PLCH1: variants seen among roughly 807,000 people sequenced by gnomAD.
PLCH1 encodes the protein phospholipase C eta 1, also known as 1-phosphatidylinositol 4,5-bisphosphate phosphodiesterase eta-1.
A neutral mutation model predicts 126.7 loss-of-function variants in PLCH1; 60 were observed. The observed-to-expected ratio is 0.47, with a 90% CI of 0.38 to 0.59. The LOEUF is 0.59. Ranked by LOEUF, PLCH1 falls within the 20% of genes least tolerant of loss-of-function variation. The pLI, the probability that PLCH1 is intolerant of heterozygous loss-of-function variation, is 0.00. For synonymous variants in PLCH1, 719 were observed against 734.9 expected (o/e 0.98, Z 0.35); for missense variants, 1,723 against 2,040.0 (o/e 0.84, Z 2.99).
chr3:155,730,551 G>A (rs1256953015), intron 1 of PLCH1, among the ~76,000 whole-genome samples: 1 of 152,212 alleles, frequency 6.6e-6, no homozygotes, highest in Non-Finnish European at 1.5e-5. Flanking sequence ...AAAGTGCTGA[G>A]ATTACAGGTG....
At chr3:155,643,838 A>C (rs1739693853) in intron 2 of PLCH1, among the ~76,000 whole-genome samples, 1 of 152,224 alleles carries the variant, frequency 6.6e-6, no homozygotes, top group African/African-American at 2.4e-5. Context: ...TTGGAGAATA[A>C]AGAATGAGTG....
At chr3:155,676,353 G>GTGGC in intron 2 of PLCH1, 3 of 1,064,088 alleles carry the variant, frequency 2.8e-6, no homozygotes, top group Non-Finnish European at 3.4e-6. Context: ...TGCAGGCGCT[G>GTGGC]TGGCTACTTT....
intron 10 of PLCH1, among the ~76,000 whole-genome samples, chr3:155,534,105 C>T (rs748090816): frequency 2.6e-5 from 4 of 152,148 alleles, no homozygotes; most frequent in African/African-American, 4.8e-5. Context: ...AGAGGGCCAC[C>T]GTCCTCCAGA....
chr3:155,733,741 A>G (rs1487038492), intron 1 of PLCH1, among the ~76,000 whole-genome samples: 1 of 151,906 alleles, frequency 6.6e-6, no homozygotes, highest in African/African-American at 2.4e-5. Flanking sequence ...AAAAAAGAGA[A>G]TGAATAAAGA....
rs766865292 is a variant in PLCH1 at position 155,481,874 on chromosome 3, G to T, written c.4152C>A (p.Tyr1384Ter). The T allele has an allele frequency of 6.2e-7, 1 of 1,614,108 alleles. No homozygotes were observed. ...SQLASPLKLK[Y>*]NQGVVEHFQR... is the part of the protein sequence containing the mutation. ...GAAAGTGTTCTACCACACCCTGATT[G>T]TACTTGAGTTTTAAAGGAGAAGCAA... is the stretch of plus-strand genomic sequence containing the variant. Residue 1384 changes from tyrosine to a stop codon, truncating the protein, a stop_gained, in exon 23 of 23, where the codon TAC becomes TAA. Coordinates refer to ENST00000460012, the MANE Select transcript of PLCH1 (RefSeq NM_014996.4). LOFTEE classifies it low-confidence loss of function (END_TRUNC). This position sits in a 1 kb window ranked among gnomAD's most constrained non-coding sequence, Gnocchi z 4.2.
At chr3:155,692,183 A>C (rs1225859360) in intron 2 of PLCH1, among the ~76,000 whole-genome samples, 1 of 152,236 alleles carries the variant, frequency 6.6e-6, no homozygotes, top group African/African-American at 2.4e-5. Flanking sequence ...TAAATTTGTT[A>C]CAAAAAAGGA....
chr3:155,661,668 C>T (rs1380668849), intron 2 of PLCH1, among the ~76,000 whole-genome samples: 2 of 152,172 alleles, frequency 1.3e-5, no homozygotes, highest in African/African-American at 4.8e-5. Context: ...AAGTGTCTGG[C>T]AGGGTCTCTC....
intron 1 of PLCH1, among the ~76,000 whole-genome samples, chr3:155,707,830 G>A (rs1011488273): frequency 7.9e-5 from 12 of 152,184 alleles, no homozygotes; most frequent in Non-Finnish European, 1.8e-4. Context: ...CGGGACAGAA[G>A]CACAAACCTA....
At chr3:155,707,123 C>A (rs993611807) in intron 1 of PLCH1, among the ~76,000 whole-genome samples, 4 of 152,124 alleles carry the variant, frequency 2.6e-5, no homozygotes, top group Non-Finnish European at 5.9e-5. Flanking sequence ...AGTCTGCAAT[C>A]CAGGAAAGGG....
intron 21 of PLCH1, among the ~76,000 whole-genome samples, chr3:155,463,062 T>C (rs1712789994): frequency 6.6e-6 from 1 of 152,218 alleles, no homozygotes; most frequent in Non-Finnish European, 1.5e-5. Flanking sequence ...AATCCAGTTA[T>C]CTAGCTGGTT....
intron 2 of PLCH1, among the ~76,000 whole-genome samples, chr3:155,609,984 A>G (rs1734831915): frequency 6.6e-6 from 1 of 152,226 alleles, no homozygotes; most frequent in African/African-American, 2.4e-5. Context: ...GGGAACAATC[A>G]TGGAAAACTT....
At chr3:155,721,379 G>GT (rs1352911240) in intron 1 of PLCH1, among the ~76,000 whole-genome samples, 2 of 152,102 alleles carry the variant, frequency 1.3e-5, no homozygotes, top group African/African-American at 2.4e-5. Context: ...TGTGTTTTCT[G>GT]TAATTTCTTT....
At chr3:155,486,076 A>G in intron 21 of PLCH1, 1 of 957,136 alleles carries the variant, frequency 1.0e-6, no homozygotes, top group Non-Finnish European at 1.6e-6. Context: ...AGTGATATGA[A>G]AAAGCATGCT....
intron 21 of PLCH1, among the ~76,000 whole-genome samples, chr3:155,486,763 A>G (rs1002244303): frequency 1.3e-5 from 2 of 151,830 alleles, no homozygotes; most frequent in Non-Finnish European, 2.9e-5. Flanking sequence ...TGACCTCATG[A>G]TCCACCCGCC....
chr3:155,535,944 C>T (rs1723295229), intron 10 of PLCH1, among the ~76,000 whole-genome samples: 1 of 152,208 alleles, frequency 6.6e-6, no homozygotes, highest in Non-Finnish European at 1.5e-5. Context: ...CCTGCTACCT[C>T]CACCAGAACA....
chr3:155,737,133 G>A (rs1183617127), intron 1 of PLCH1, among the ~76,000 whole-genome samples: 3 of 148,066 alleles, frequency 2.0e-5, no homozygotes, highest in Admixed American at 1.4e-4. Flanking sequence ...TCCCGAGGCT[G>A]AGGCAGGAGA....
At chr3:155,578,614 G>A (rs1312659831) in intron 6 of PLCH1, among the ~76,000 whole-genome samples, 1 of 152,138 alleles carries the variant, frequency 6.6e-6, no homozygotes, top group Non-Finnish European at 1.5e-5. Context: ...AAGAGTTTAG[G>A]AGCTCTGTGC....
At chr3:155,503,682 C>A (rs180879347) in intron 13 of PLCH1, among the ~76,000 whole-genome samples, 1 of 152,184 alleles carries the variant, frequency 6.6e-6, no homozygotes, top group Admixed American at 6.5e-5. Flanking sequence ...GGATTACAGG[C>A]ACACACCACC....
chr3:155,557,170 G>A (rs1428415022), intron 8 of PLCH1, among the ~76,000 whole-genome samples: 3 of 152,158 alleles, frequency 2.0e-5, no homozygotes, highest in African/African-American at 7.2e-5. Flanking sequence ...CACAAGAGAA[G>A]CGTCATCCAT....
Sources: gnomAD v4.1 joint callset for allele counts (sites outside exome capture counted in the v4.1 genomes callset) on GRCh38, gnomAD v4.1.1 for gene constraint, Gnocchi (gnomAD v3.1) non-coding constraint, MANE v1.5 for transcripts, NCBI Gene and HGNC (gene_info 2026-07-23, HGNC 2026-07-21) for gene names.